Variants in PCNX3 observed in about 807,000 individuals in gnomAD.
PCNX3 encodes pecanex 3, also known as pecanex-like protein 3.
A neutral mutation model predicts 207.2 loss-of-function variants in PCNX3; 58 were observed. The observed-to-expected ratio is 0.28, with a 90% CI of 0.23 to 0.35. PCNX3 has a LOEUF of 0.35. Ranked by LOEUF, PCNX3 falls within the 10% of genes least tolerant of loss-of-function variation. The pLI, the probability that PCNX3 is intolerant of heterozygous loss-of-function variation, is 1.00. For missense variants in PCNX3, 2,410 were observed against 2,774.4 expected (o/e 0.87, Z 2.95); for synonymous variants, 1,337 against 1,183.5 (o/e 1.13, Z -2.66).
Position 65,629,354 on chromosome 11 carries a change from C to A in PCNX3, c.3942-3C>A. Reference sequence around the variant, plus strand: ...ACCGCCTTGTTGCACTCTCTCTGAACAGCACTAAACGTGTGGATCATTCCA... The same window carrying A: ...ACCGCCTTGTTGCACTCTCTCTGAAAAGCACTAAACGTGTGGATCATTCCA... On this transcript the variant is annotated splice_polypyrimidine_tract_variant and splice_region_variant and intron_variant, in intron 24 of 34. Transcript: ENST00000355703. 1 of 1,609,980 alleles carries A rather than the reference C, an allele frequency of 6.2e-7. No individual in the cohort carries two copies. Among genetic ancestry groups the A allele is most frequent in the Non-Finnish European group, 8.5e-7 (1 of 1,178,020 alleles).
intron 26 of PCNX3, among the ~76,000 whole-genome samples, 169 bp downstream of exon 26, chr11:65,629,904 T>G (rs906154564): frequency 1.3e-5 from 2 of 152,136 alleles, no homozygotes; most frequent in African/African-American, 4.8e-5. Flanking sequence ...GTCTGAGCAA[T>G]GAGGTGGCAG....
intron 9 of PCNX3, 131 bp from the exon 10 acceptor site, chr11:65,620,700 G>T: frequency 7.8e-7 from 1 of 1,276,652 alleles, no homozygotes. Context: ...CCTGACCCCA[G>T]CACTTGTCCC....
At chr11:65,621,107 GTGTC>G (rs1855070445) in intron 10 of PCNX3, 141 bp downstream of exon 10, 1 of 1,145,320 alleles carries the variant, frequency 8.7e-7, no homozygotes, top group Non-Finnish European at 1.2e-6. Context: ...GGGCCCTACT[GTGTC>G]TGTCCTGATC....
At chr11:65,633,155 T>C (rs1342499034) in intron 27 of PCNX3, among the ~76,000 whole-genome samples, 2 of 152,226 alleles carry the variant, frequency 1.3e-5, no homozygotes, top group Non-Finnish European at 2.9e-5. Flanking sequence ...GCAAAGGGCC[T>C]GCCCCATTAG....
intron 15 of PCNX3, 103 bp downstream of exon 15, chr11:65,624,684 T>C: frequency 8.9e-7 from 1 of 1,127,492 alleles, no homozygotes; most frequent in Non-Finnish European, 1.3e-6. Context: ...TTCTCCTGCG[T>C]CTGTACTGCA....
chr11:65,622,293 A>G lies in PCNX3; in HGVS notation c.2284A>G (p.Lys762Glu). The G allele has an allele frequency of 6.2e-7, 1 of 1,600,964 alleles. No individual in the cohort carries two copies. The change falls in exon 11 of 35, where the codon AAG becomes GAG. Residue 762 changes from lysine to glutamate, a missense_variant. Physicochemically the swap from Lys to Glu is moderately conservative, Grantham distance 56. Around this residue, in one of 8 missense-constraint regions of PCNX3, gnomAD observed 177 missense variants for 257.5 expected, o/e 0.69. Coordinates refer to ENST00000355703, the MANE Select transcript of PCNX3 (RefSeq NM_032223.4). ...EAPPRAQHSY[K>E]YWLLPGRWTS... ...GCCACCCCGGGCCCAGCATAGTTAC[A>G]AGTACTGGCTTCTCCCTGGCCGCTG...
In PCNX3 at chr11:65,625,361, G is replaced by T; in HGVS notation, c.3030-44G>T. 1.9e-6 allele frequency: 3 copies of T among 1,595,004 alleles called. No individual in the cohort carries two copies. The highest frequency in any genetic ancestry group is 2.6e-6 in the Non-Finnish European group (3 of 1,172,850). On this transcript the variant is annotated intron_variant, in intron 17 of 34. Coordinates refer to ENST00000355703, the MANE Select transcript of PCNX3 (RefSeq NM_032223.4). The surrounding 1 kb of genome is among the most constrained non-coding windows in gnomAD (Gnocchi z 5.6). ...TGCATGTGCCCGTGACTGGGGCCGG[G>T]GGGAAGGAGGGGCGGCCTCCTCCTG...
rs1854694368 is a variant in PCNX3 at position 65,615,786 on chromosome 11, C to T, written c.-526C>T. On this transcript the variant is annotated 5_prime_UTR_variant, in exon 1 of 35. Coordinates refer to ENST00000355703, the MANE Select transcript of PCNX3 (RefSeq NM_032223.4). ...TTGGAATCGTTGGGCGCATGCGCCA[C>T]TGCAGGCTGGCGGTTCGCGGCTCCT... 2 of 152,324 alleles carry T rather than the reference C, an allele frequency of 1.3e-5. No homozygotes were observed. The highest frequency in any genetic ancestry group is 1.5e-5 in the Non-Finnish European group (1 of 68,078). The allele number at this position is 152,324 out of a possible 1,614,324, so 9.4% of individuals were successfully genotyped here. A position where few individuals can be genotyped will look rare whatever the true frequency, so the allele number is the denominator to read the frequency against.
intron 26 of PCNX3, 98 bp from the exon 27 acceptor site, chr11:65,630,253 A>G (rs1326762524): frequency 1.3e-6 from 2 of 1,484,384 alleles, no homozygotes; most frequent in Non-Finnish European, 1.8e-6. Flanking sequence ...AAGGGGGTGA[A>G]TGGCAGCAGG....
intron 24 of PCNX3, 125 bp downstream of exon 24, chr11:65,629,073 C>T (rs1855516407): frequency 2.9e-6 from 4 of 1,375,396 alleles, no homozygotes; most frequent in Non-Finnish European, 3.9e-6. Context: ...ACAGTGGGGA[C>T]ACATGAGGCG....
chr11:65,624,630 G>A (rs1278227093), intron 15 of PCNX3, 49 bp downstream of exon 15: 1 of 1,483,462 alleles, frequency 6.7e-7, no homozygotes, highest in Non-Finnish European at 9.2e-7. Context: ...TGGAGGCCCA[G>A]GAGGGCCCTC....
Position 65,624,984 on chromosome 11 carries a change from C to G in PCNX3, c.2887C>G (p.Leu963Val). The change falls in exon 16 of 35, where the codon CTG becomes GTG. Residue 963 changes from leucine (L) to valine (V), a missense_variant. Leu to Val is a conservative substitution (Grantham distance 32). Transcript: ENST00000355703. Reference protein sequence around the residue: ...SLSRSLLAAALLYGFCLGAIK... With the variant: ...SLSRSLLAAAVLYGFCLGAIK... ...CTCCCGCAGCCTGCTGGCTGCTGCC[C>G]TGCTCTACGGTTTCTGCCTTGGGGC... The G allele has an allele frequency of 6.2e-7, 1 of 1,612,796 alleles. No homozygotes were observed. The highest frequency in any genetic ancestry group is 2.2e-5 in the East Asian group (1 of 44,872).
intron 27 of PCNX3, among the ~76,000 whole-genome samples, 154 bp downstream of exon 27, chr11:65,630,758 C>T (rs2135468373): frequency 6.6e-6 from 1 of 152,334 alleles, no homozygotes; most frequent in South Asian, 2.1e-4. Flanking sequence ...TGAGGTGCCA[C>T]TGCCAGACCT....
chr11:65,619,403 CCTGG>C, intron 6 of PCNX3, 130 bp from the exon 7 acceptor site: 1 of 1,448,082 alleles, frequency 6.9e-7, no homozygotes, highest in African/African-American at 1.4e-5. Context: ...GGCTGTGTGA[CCTGG>C]CTGGGCCTCA....
At chr11:65,617,396 C>T (rs746721684) in intron 3 of PCNX3, 47 bp downstream of exon 3, 4 of 1,613,396 alleles carry the variant, frequency 2.5e-6, no homozygotes, top group African/African-American at 2.7e-5. Context: ...CTCTGCGAGC[C>T]AGTCCCTACT....
At chr11:65,621,958 T>A (rs534002724) in intron 10 of PCNX3, among the ~76,000 whole-genome samples, 106 of 152,270 alleles carry the variant, frequency 7.0e-4, no homozygotes, top group Non-Finnish European at 1.2e-3. Flanking sequence ...AGAGTTTGCC[T>A]GACTGGGGAA....
In PCNX3 at chr11:65,625,138, A is replaced by T; in HGVS notation, c.2920-33A>T. On this transcript the variant is annotated intron_variant, in intron 16 of 34. Transcript: ENST00000355703. The surrounding 1 kb of genome is among the most constrained non-coding windows in gnomAD (Gnocchi z 5.6). ...GCAGCCCGGGCCCCATGCTTACCTC[A>T]CCTCCCCTGACCAGCATGGATTCTC... 2 of 1,570,070 alleles carry T rather than the reference A, an allele frequency of 1.3e-6. No individual in the cohort carries two copies. Among genetic ancestry groups the T allele is most frequent in the Non-Finnish European group, 1.7e-6 (2 of 1,151,852 alleles).
rs915922496 is a variant in PCNX3, at chr11:65,619,466, G to A, written c.1706-71G>A. On this transcript the variant is annotated intron_variant, in intron 6 of 34. Coordinates refer to ENST00000355703, the MANE Select transcript of PCNX3 (RefSeq NM_032223.4). ...GCCTTTAGCTCCCTGGCGGAACACC[G>A]TCCCCAACCTTACTCCCCCAGCCTT... The A allele has an allele frequency of 1.6e-5, 25 of 1,570,174 alleles. No individual in the cohort carries two copies. In the East Asian group the frequency reaches 1.8e-4, roughly 11 times the overall value.
intron 21 of PCNX3, 69 bp from the exon 22 acceptor site, chr11:65,627,336 G>C (rs914185801): frequency 6.6e-7 from 1 of 1,511,376 alleles, no homozygotes; most frequent in Non-Finnish European, 8.9e-7. Context: ...GAGTAGGCGA[G>C]GGATGGGACA....
Sources: allele counts gnomAD v4.1 joint callset (sites outside exome capture counted in the v4.1 genomes callset), GRCh38; gene constraint gnomAD v4.1.1; regional missense constraint gnomAD v4.1.1; non-coding constraint Gnocchi (gnomAD v3.1); transcripts MANE v1.5; gene names NCBI Gene and HGNC (gene_info 2026-07-23, HGNC 2026-07-21).